Variants in WDHD1 observed in about 807,000 individuals in gnomAD.
WDHD1 encodes the protein WD repeat and HMG-box DNA-binding protein 1.
A neutral mutation model predicts 135.4 loss-of-function variants in WDHD1; 111 were observed. That is an observed-to-expected ratio of 0.82 (90% CI 0.70 to 0.96). The LOEUF (loss-of-function observed/expected upper bound fraction) is 0.96, where lower values mean the gene tolerates loss of function less well. Ranked by LOEUF, WDHD1 falls within the 40% of genes least tolerant of loss-of-function variation. WDHD1 has a pLI of 0.00. For missense variants in WDHD1, 1,351 were observed against 1,336.3 expected, an observed-to-expected ratio of 1.01 and a Z score of -0.17; for synonymous variants, 434 against 439.0, an observed-to-expected ratio of 0.99 and a Z score of 0.14.
intron 8 of WDHD1, among the ~76,000 whole-genome samples, 177 bp downstream of exon 8, chr14:55,001,916 A>G (rs2041986736): frequency 6.6e-6 from 1 of 152,230 alleles, no homozygotes; most frequent in Non-Finnish European, 1.5e-5. Flanking sequence ...ACAAAGACCT[A>G]TTTAGTATCC....
intron 7 of WDHD1, among the ~76,000 whole-genome samples, chr14:55,003,587 C>CTATATATATATA (rs140023951): frequency 0.041 from 5,898 of 143,638 alleles, 773 homozygotes; most frequent in African/African-American, 0.16. Flanking sequence ...GAAAAACGAA[C>CTATATATATATA]TATATATATA....
chr14:54,969,184 G>A (rs1395885275), intron 16 of WDHD1, among the ~76,000 whole-genome samples: 1 of 151,996 alleles, frequency 6.6e-6, no homozygotes, highest in Non-Finnish European at 1.5e-5. Context: ...GACTACAGGT[G>A]CCCACCACCA....
At chr14:54,987,493 T>A in intron 13 of WDHD1, 106 bp from the exon 14 acceptor site, 1 of 1,027,880 alleles carries the variant, frequency 9.7e-7, no homozygotes, top group Non-Finnish European at 1.3e-6. Context: ...ATAGTTTACT[T>A]CCTATTATAC....
chr14:55,017,017 T>C (rs147307160), intron 2 of WDHD1, among the ~76,000 whole-genome samples: 1 of 152,204 alleles, frequency 6.6e-6, no homozygotes, highest in African/African-American at 2.4e-5. Flanking sequence ...ATCGCCCGTA[T>C]TAATTCCAAT....
intron 10 of WDHD1, among the ~76,000 whole-genome samples, chr14:54,998,254 G>A (rs2041918442): frequency 6.6e-6 from 1 of 151,874 alleles, no homozygotes; most frequent in African/African-American, 2.4e-5. Flanking sequence ...TATTTATGAT[G>A]AAGGCGATAA....
intron 4 of WDHD1, 139 bp downstream of exon 4, chr14:55,010,169 CT>C (rs2042144065): frequency 2.2e-6 from 2 of 929,068 alleles, no homozygotes; most frequent in Non-Finnish European, 1.5e-6. Flanking sequence ...CCTCAAAAAC[CT>C]TTACTAGATA....
chr14:54,957,320 C>T, intron 22 of WDHD1, 116 bp from the exon 23 acceptor site: 1 of 1,133,620 alleles, frequency 8.8e-7, no homozygotes. Flanking sequence ...ATCTTTAGAA[C>T]TAAATACATT....
In WDHD1 at chr14:54,991,276, T is replaced by G. The variant is rs774622630; in HGVS notation, c.1278A>C (p.Pro426=). Residue 426 remains proline (P), a synonymous_variant, in exon 12 of 26, where the codon CCA becomes CCC. Coordinates refer to ENST00000360586, the MANE Select transcript of WDHD1 (RefSeq NM_007086.4). ...ACTGAAATGGCTTTTGCCGGGGAGTTGGCATGGGTCCATCATAAAATGGCC... is the reference window on the plus strand; with the variant it reads ...ACTGAAATGGCTTTTGCCGGGGAGTGGGCATGGGTCCATCATAAAATGGCC... ...SQRPFYDGPM[P]TPRQKPFQSG... is the part of the protein sequence containing the mutation. The G allele has an allele frequency of 5.0e-6, 8 of 1,613,522 alleles. No individual in the cohort carries two copies. The highest frequency in any genetic ancestry group is 5.9e-6 in the Non-Finnish European group (7 of 1,179,568).
At chr14:55,004,318 T>C (rs1361459572) in intron 7 of WDHD1, among the ~76,000 whole-genome samples, 1 of 152,244 alleles carries the variant, frequency 6.6e-6, no homozygotes, top group African/African-American at 2.4e-5. Flanking sequence ...GGTATGTGTC[T>C]ATTCATAACT....
chr14:54,998,253 T>G (rs2041918391), intron 10 of WDHD1, among the ~76,000 whole-genome samples: 1 of 151,968 alleles, frequency 6.6e-6, no homozygotes, highest in African/African-American at 2.4e-5. Context: ...ATATTTATGA[T>G]GAAGGCGATA....
chr14:54,952,245 G>A (rs1187004379), intron 24 of WDHD1, among the ~76,000 whole-genome samples: 3 of 152,040 alleles, frequency 2.0e-5, no homozygotes, highest in Non-Finnish European at 2.9e-5. Flanking sequence ...AGAAAACCCC[G>A]TCGTCTCAGC....
chr14:55,022,239 A>T (rs1481698456), intron 2 of WDHD1, among the ~76,000 whole-genome samples: 4 of 152,200 alleles, frequency 2.6e-5, no homozygotes, highest in African/African-American at 4.8e-5. Context: ...CTCATTGTCT[A>T]GGTCTTTTTG....
At chr14:54,957,269 A>AT in intron 22 of WDHD1, 65 bp from the exon 23 acceptor site, 2 of 1,510,784 alleles carry the variant, frequency 1.3e-6, no homozygotes, top group Non-Finnish European at 1.8e-6. Flanking sequence ...CAAGAGACTT[A>AT]TTTTTTCTTG....
In WDHD1 at chr14:54,967,388, A is replaced by C. The variant is rs774541445; in HGVS notation, c.2070T>G (p.Ile690Met). Residue 690 changes from isoleucine to methionine, a missense_variant, in exon 17 of 26, where the codon ATT becomes ATG. By Grantham distance (10) the Ile-to-Met change is conservative (BLOSUM62 1). Coordinates refer to ENST00000360586, the MANE Select transcript of WDHD1 (RefSeq NM_007086.4). ...GGGGAAACCGAGAACCTTTACAAGG[A>C]ATGCACCTGTTAGTAAAGAAAAGTT... ...IHENPQQLRC[I>M]PCKGSRFPPT... is the part of the protein sequence containing the mutation. 3.1e-6 allele frequency: 5 copies of C among 1,601,234 alleles called. No individual in the cohort carries two copies. In the East Asian group the frequency reaches 1.1e-4, roughly 36 times the overall value.
chr14:54,943,627 G>A (rs1361810735), intron 25 of WDHD1, among the ~76,000 whole-genome samples: 1 of 152,002 alleles, frequency 6.6e-6, no homozygotes, highest in African/African-American at 2.4e-5. Flanking sequence ...CAAACTCCTG[G>A]GCTCAAGAGA....
chr14:54,969,025 C>T (rs2041388213), intron 16 of WDHD1, among the ~76,000 whole-genome samples: 1 of 151,676 alleles, frequency 6.6e-6, no homozygotes, highest in South Asian at 2.1e-4. Flanking sequence ...CTAGGTAAGA[C>T]CTTGTTTCTA....
chr14:55,010,527 G>C, intron 3 of WDHD1, 67 bp from the exon 4 acceptor site: 1 of 1,314,472 alleles, frequency 7.6e-7, no homozygotes, highest in Non-Finnish European at 9.9e-7. Context: ...TCTCTCCATA[G>C]TTAAAAATCC....
Position 54,991,239 on chromosome 14 carries a change from G to T in WDHD1, c.1315C>A (p.Pro439Thr), listed in dbSNP as rs778493279. The change falls in exon 12 of 26, where the codon CCG becomes ACG. Residue 439 changes from proline (P) to threonine (T), a missense_variant. This residue lies in a region of WDHD1 where 1,330 missense variants were observed against 1,296.1 expected (regional missense o/e 1.03). Transcript: ENST00000360586. ...RQKPFQSGSTPLHLTHRFMVW... is the reference protein window; with the variant it reads ...RQKPFQSGSTTLHLTHRFMVW... ...ATGAATCTGTGAGTGAGATGCAACGGTGTAGAACCTGACTGAAATGGCTTT... is the reference window on the plus strand; with the variant it reads ...ATGAATCTGTGAGTGAGATGCAACGTTGTAGAACCTGACTGAAATGGCTTT... The T allele has an allele frequency of 1.2e-6, 2 of 1,605,806 alleles. No homozygotes were observed. Among genetic ancestry groups the T allele is most frequent in the South Asian group, 2.2e-5 (2 of 90,902 alleles).
In WDHD1 at chr14:54,972,829, G is replaced by A. The variant is rs142885861; in HGVS notation, c.2064-5435C>T. 6.6e-5 allele frequency among the ~76,000 whole-genome samples: 10 copies of A among 152,206 alleles called. 1 individual carries two copies. The highest frequency in any genetic ancestry group is 2.6e-4 in the Admixed American group (4 of 15,276). Reference sequence around the variant, plus strand: ...TGGTGAAATGCCTAATATAGGTTAAGTGTTTATTAGATATTGGTCAGAGTG... The same window carrying A: ...TGGTGAAATGCCTAATATAGGTTAAATGTTTATTAGATATTGGTCAGAGTG... On this transcript the variant is annotated intron_variant, in intron 16 of 25. Coordinates refer to ENST00000360586, the MANE Select transcript of WDHD1 (RefSeq NM_007086.4).
Sources: gnomAD v4.1 joint callset for allele counts (sites outside exome capture counted in the v4.1 genomes callset) on GRCh38, gnomAD v4.1.1 for gene constraint, gnomAD v4.1.1 regional missense constraint, MANE v1.5 for transcripts, NCBI Gene and HGNC (gene_info 2026-07-23, HGNC 2026-07-21) for gene names.